The following FAM120A variants were observed in gnomAD, a reference collection of about 807,000 sequenced individuals.
FAM120A encodes constitutive coactivator of PPAR-gamma-like protein 1.
FAM120A carries 15 observed loss-of-function variants against 109.7 expected under a neutral mutation model. The ratio of observed to expected loss-of-function variants is 0.14; its 90% CI spans 0.09 to 0.21. The LOEUF (loss-of-function observed/expected upper bound fraction) is 0.21. FAM120A is among the 10% of genes least tolerant of loss of function. The probability of loss-of-function intolerance (pLI) is 1.00; values close to 1 mark genes in which losing one functional copy is unlikely to be tolerated. For synonymous variants in FAM120A, 493 were observed against 572.8 expected (o/e 0.86, Z 1.99); for missense variants, 899 against 1,439.3 (o/e 0.62, Z 6.07).
intron 3 of FAM120A, among the ~76,000 whole-genome samples, chr9:93,482,003 C>G (rs1858833979): frequency 6.6e-6 from 1 of 152,036 alleles, no homozygotes; most frequent in Non-Finnish European, 1.5e-5. Context: ...TTAGGAGCTC[C>G]CTCTAATTCC....
intron 1 of FAM120A, among the ~76,000 whole-genome samples, chr9:93,456,313 G>A (rs771600784): frequency 6.6e-6 from 1 of 152,188 alleles, no homozygotes. Context: ...TATATGACTT[G>A]TGGTATCAGT....
chr9:93,516,717 A>T (rs1245191603), intron 7 of FAM120A, among the ~76,000 whole-genome samples: 1 of 152,140 alleles, frequency 6.6e-6, no homozygotes, highest in South Asian at 2.1e-4. Context: ...ACACTTTGGA[A>T]ATAACACTGT....
At chr9:93,527,436 C>T (rs1008068763) in intron 8 of FAM120A, among the ~76,000 whole-genome samples, 194 bp downstream of exon 8, 5 of 151,990 alleles carry the variant, frequency 3.3e-5, no homozygotes, top group African/African-American at 1.2e-4. Flanking sequence ...ATGGCAGGCA[C>T]CTGATGCATT....
intron 3 of FAM120A, among the ~76,000 whole-genome samples, chr9:93,490,602 G>A (rs1859270478): frequency 1.3e-5 from 2 of 152,224 alleles, no homozygotes; most frequent in Admixed American, 1.3e-4. Flanking sequence ...AGAAAAAAAT[G>A]TTTGATTTTA....
At chr9:93,518,917 GA>G (rs1195741249) in intron 7 of FAM120A, among the ~76,000 whole-genome samples, 7 of 152,282 alleles carry the variant, frequency 4.6e-5, no homozygotes, top group Middle Eastern at 3.4e-3. Flanking sequence ...AAAACATTGA[GA>G]TTTTTTTTCT....
At chr9:93,528,760 A>G (rs1389508521) in intron 8 of FAM120A, among the ~76,000 whole-genome samples, 1 of 152,260 alleles carries the variant, frequency 6.6e-6, no homozygotes, top group Non-Finnish European at 1.5e-5. Flanking sequence ...TTGCTTGTGT[A>G]TAATTAACTT....
chr9:93,543,093 A>C, intron 10 of FAM120A, 129 bp from the exon 11 acceptor site: 1 of 1,138,026 alleles, frequency 8.8e-7, no homozygotes, highest in Admixed American at 2.3e-5. Flanking sequence ...TAGTTTTGCT[A>C]AGGAGAGAAT....
intron 1 of FAM120A, chr9:93,453,121 T>G: frequency 9.9e-7 from 1 of 1,012,664 alleles, no homozygotes; most frequent in Middle Eastern, 4.9e-4. Flanking sequence ...GGCAGTTCGG[T>G]TTTGTAGATC....
intron 9 of FAM120A, 116 bp downstream of exon 9, chr9:93,529,696 A>T: frequency 2.3e-6 from 2 of 858,892 alleles, no homozygotes; most frequent in Non-Finnish European, 3.9e-6. Context: ...AATCTACTTG[A>T]AACAAAGTTC....
intron 10 of FAM120A, among the ~76,000 whole-genome samples, chr9:93,540,356 C>T (rs1312928624): frequency 6.6e-6 from 1 of 152,210 alleles, no homozygotes; most frequent in East Asian, 1.9e-4. Flanking sequence ...CATCTATTTT[C>T]TTTGATAAAG....
intron 1 of FAM120A, among the ~76,000 whole-genome samples, chr9:93,465,012 CA>C (rs1302196426): frequency 1.3e-5 from 2 of 152,108 alleles, no homozygotes; most frequent in Non-Finnish European, 2.9e-5. Flanking sequence ...AGAGAAGAAG[CA>C]GATAAATAAG....
At chr9:93,542,152 G>A (rs1378299078) in intron 10 of FAM120A, among the ~76,000 whole-genome samples, 2 of 152,190 alleles carry the variant, frequency 1.3e-5, no homozygotes, top group Non-Finnish European at 2.9e-5. Flanking sequence ...CCTGGTCTCC[G>A]TACAGACACT....
At chr9:93,523,236 C>T (rs1223323189) in intron 7 of FAM120A, 1 of 1,092,544 alleles carries the variant, frequency 9.2e-7, no homozygotes, top group Non-Finnish European at 1.2e-6. Context: ...TGATGTGCCT[C>T]TTTTGCTTGA....
rs1401694753 is a variant in FAM120A at position 93,564,568 on chromosome 9, G to A, written c.*28G>A. ...TTATTTTTTATAGAGGGTGAAGGAT[G>A]CTGGAAGGGTAAGGATTTAGGAATA... On this transcript the variant is annotated 3_prime_UTR_variant, in exon 18 of 18. Transcript: ENST00000277165. 1.9e-5 allele frequency: 29 copies of A among 1,554,224 alleles called. No homozygotes were observed. Among genetic ancestry groups the A allele is most frequent in the Non-Finnish European group, 2.5e-5 (29 of 1,137,850 alleles).
At chr9:93,538,386 A>G (rs1161301881) in intron 10 of FAM120A, among the ~76,000 whole-genome samples, 1 of 152,218 alleles carries the variant, frequency 6.6e-6, no homozygotes, top group Non-Finnish European at 1.5e-5. Flanking sequence ...TCAGAAGGAA[A>G]AAAAACAGTC....
rs117997116 is a variant in FAM120A at position 93,500,855 on chromosome 9, C to T, written c.1030+1969C>T. 3.0e-3 allele frequency among the ~76,000 whole-genome samples: 461 copies of T among 152,258 alleles called. 3 individuals are homozygous for T. The highest frequency in any genetic ancestry group is 3.9e-3 in the Non-Finnish European group (263 of 68,020). On this transcript the variant is annotated intron_variant, in intron 5 of 17. Coordinates refer to ENST00000277165, the MANE Select transcript of FAM120A (RefSeq NM_014612.5). This position sits in a 1 kb window ranked among gnomAD's most constrained non-coding sequence, Gnocchi z 4.6. ...GGAGCATGAACATTGCCACCTGTGG[C>T]CTACTGCCTCCTGACCTCGAGCTCC... is the stretch of plus-strand genomic sequence containing the variant.
chr9:93,487,670 G>A (rs531606101), intron 3 of FAM120A, among the ~76,000 whole-genome samples: 5 of 152,238 alleles, frequency 3.3e-5, no homozygotes, highest in East Asian at 1.9e-4. Flanking sequence ...ACTTGTGGTT[G>A]TCTGGAACTG....
At chr9:93,503,906 G>A (rs1286585125) in intron 5 of FAM120A, among the ~76,000 whole-genome samples, 3 of 152,182 alleles carry the variant, frequency 2.0e-5, no homozygotes, top group Admixed American at 2.0e-4. Flanking sequence ...GCAGTGTGCT[G>A]GGTGCTGAAT....
At chr9:93,543,145 A>G in intron 10 of FAM120A, 77 bp from the exon 11 acceptor site, 3 of 1,543,028 alleles carry the variant, frequency 1.9e-6, no homozygotes, top group Non-Finnish European at 2.6e-6. Context: ...CAGTTACTAG[A>G]GCTGCTTGTT....
Sources: allele counts gnomAD v4.1 joint callset (sites outside exome capture counted in the v4.1 genomes callset), GRCh38; gene constraint gnomAD v4.1.1; non-coding constraint Gnocchi (gnomAD v3.1); transcripts MANE v1.5; gene names NCBI Gene and HGNC (gene_info 2026-07-23, HGNC 2026-07-21).